Variants in TRADD observed in about 807,000 individuals in gnomAD.
TRADD encodes the protein tumor necrosis factor receptor type 1-associated DEATH domain protein.
Under a neutral mutation model 31.5 loss-of-function variants are expected in TRADD, and 14 were observed. That is an observed-to-expected ratio of 0.44 (90% confidence interval 0.29 to 0.69). The LOEUF (loss-of-function observed/expected upper bound fraction) is 0.69. Ranked by LOEUF, TRADD falls within the 30% of genes least tolerant of loss-of-function variation. The probability of loss-of-function intolerance (pLI) is 0.11; values close to 1 mark genes in which losing one functional copy is unlikely to be tolerated. For synonymous variants in TRADD, 220 were observed against 215.8 expected (o/e 1.02, Z -0.17); for missense variants, 388 against 435.7 (o/e 0.89, Z 0.97).
chr16:67,158,711 C>T (rs894375803), intron 1 of TRADD, among the ~76,000 whole-genome samples: 1 of 151,968 alleles, frequency 6.6e-6, no homozygotes, highest in Non-Finnish European at 1.5e-5. Flanking sequence ...AAAAGCAAAA[C>T]AAGAAAAAAC....
Position 67,155,407 on chromosome 16 carries a change from C to T in TRADD, c.399G>A (p.Glu133=). Residue 133 remains glutamate (E), a synonymous_variant, in exon 3 of 5, where the codon GAG becomes GAA. Transcript: ENST00000345057. ...GGGCTAGGATGCAACTCAAACAGCG[C>T]TCCTCGTCCGCCAGCAAAGCGTCCA... ...ERLDALLADE[E]RCLSCILAQQ... is the part of the protein sequence containing the mutation. 6.3e-7 allele frequency: 1 copy of T among 1,598,450 alleles called. No individual in the cohort carries two copies. Among genetic ancestry groups the T allele is most frequent in the Middle Eastern group, 1.7e-4 (1 of 6,060 alleles).
rs746809465 is a variant in TRADD at position 67,154,667 on chromosome 16, G to A, written c.921C>T (p.Pro307=). The change falls in exon 5 of 5, where the codon CCC becomes CCT. Residue 307 remains proline (P), a synonymous_variant. Transcript: ENST00000345057. The surrounding 1 kb of genome is among the most constrained non-coding windows in gnomAD (Gnocchi z 5.2). ...CCCTGGTCTAGGCCAGGCCGCCATT[G>A]GGATCGGTCAGGCCCAGCAAGTCCT... ...LAEDLLGLTD[P]NGGLA is the part of the protein sequence containing the mutation. 3.7e-6 allele frequency: 6 copies of A among 1,612,758 alleles called. No individual in the cohort carries two copies. The highest frequency in any genetic ancestry group is 5.1e-6 in the Non-Finnish European group (6 of 1,179,908).
intron 2 of TRADD, chr16:67,155,957 T>C: frequency 2.7e-6 from 4 of 1,459,128 alleles, no homozygotes; most frequent in Non-Finnish European, 3.6e-6. Flanking sequence ...AAAGGGGGCG[T>C]GTGCCCTGGG....
At position 67,154,998 on chromosome 16, in the gene TRADD, C is replaced by T. The variant is rs1252655603; in HGVS notation, c.629-39G>A. 3.1e-6 allele frequency: 5 copies of T among 1,587,758 alleles called. No homozygotes were observed. The South Asian group carries it at 5.7e-5, about 18-fold the overall frequency. ...GGGGAAACGGGGTGAGGGCGGGGACCCCCAGCGCCGGTCCCACCCATCCCC... is the reference window on the plus strand; with the variant it reads ...GGGGAAACGGGGTGAGGGCGGGGACTCCCAGCGCCGGTCCCACCCATCCCC... On this transcript the variant is annotated intron_variant, in intron 4 of 4. Transcript: ENST00000345057. This position sits in a 1 kb window ranked among gnomAD's most constrained non-coding sequence, Gnocchi z 5.2.
intron 4 of TRADD, 48 bp from the exon 5 acceptor site, chr16:67,155,007 C>T: frequency 6.3e-7 from 1 of 1,576,562 alleles, no homozygotes; most frequent in Non-Finnish European, 8.6e-7. Context: ...CCCCCAGCGC[C>T]GGTCCCACCC....
Position 67,156,393 on chromosome 16 carries a change from T to C in TRADD, c.151+117A>G. 1.4e-6 allele frequency: 2 copies of C among 1,478,002 alleles called. No individual in the cohort carries two copies. The highest frequency in any genetic ancestry group is 1.8e-6 in the Non-Finnish European group (2 of 1,081,746). The allele number at this position is 1,478,002 out of a possible 1,614,324, so 91.6% of individuals were successfully genotyped here. ...AGAAGAGAGTCTGCACAGCCAGGGGTCCTCCGTCTTGCTCCTCCCACCCCA... is the reference window on the plus strand; with the variant it reads ...AGAAGAGAGTCTGCACAGCCAGGGGCCCTCCGTCTTGCTCCTCCCACCCCA... On this transcript the variant is annotated intron_variant, in intron 2 of 4. Transcript: ENST00000345057. The surrounding 1 kb of genome is among the most constrained non-coding windows in gnomAD (Gnocchi z 4.6).
rs1283215673 is a variant in TRADD at position 67,155,456 on chromosome 16, T to G, written c.350A>C (p.Glu117Ala). ...CAGCCGCTCGGCGCCGGCGCGCAGC[T>G]CCAGTTGCAGCGGCACCGAGTGCTG... ...LAQHSVPLQL[E>A]LRAGAERLDA... Residue 117 changes from glutamate (E) to alanine (A), a missense_variant, in exon 3 of 5, where the codon GAG (glutamate) becomes GCG (alanine). Transcript: ENST00000345057. 1 of 1,592,724 alleles carries G rather than the reference T, an allele frequency of 6.3e-7. No individual in the cohort carries two copies. Among genetic ancestry groups the G allele is most frequent in the Admixed American group, 1.7e-5 (1 of 59,482 alleles).
rs1415309663 is a variant in TRADD, at chr16:67,155,139, C to T, written c.585G>A (p.Pro195=). Residue 195 remains proline (P), a synonymous_variant, in exon 4 of 5, where the codon CCG becomes CCA. Coordinates refer to ENST00000345057, the MANE Select transcript of TRADD (RefSeq NM_003789.4). ...PSLSEVKPPP[P]PPPAQTFLFQ... ...ACAGAAAAGTCTGGGCAGGTGGCGG[C>T]GGCGGCGGCGGCTTCACCTCCGACA... The T allele has an allele frequency of 9.1e-6, 14 of 1,545,956 alleles. No individual in the cohort carries two copies. The highest frequency in any genetic ancestry group is 1.9e-5 in the Admixed American group (1 of 51,658).
In TRADD at chr16:67,156,513, C is replaced by A. The variant is rs752751020; in HGVS notation, c.148G>T (p.Ala50Ser). The change falls in exon 2 of 5, where the codon GCA (alanine) becomes TCA (serine). Residue 50 changes from alanine to serine, a missense_variant. Coordinates refer to ENST00000345057, the MANE Select transcript of TRADD (RefSeq NM_003789.4). This position sits in a 1 kb window ranked among gnomAD's most constrained non-coding sequence, Gnocchi z 4.6. ...AVYRALQAAL[A>S]ESGGSPDVLQ... The stretch of plus-strand genomic sequence containing the variant: ...ACATGCCCGCCCATCCACGCACCTG[C>A]CAAGGCAGCCTGCAGAGCCCTGTAC... The A allele has an allele frequency of 6.2e-7, 1 of 1,612,394 alleles. No homozygotes were observed. The highest frequency in any genetic ancestry group is 1.3e-5 in the African/African-American group (1 of 75,058).
Position 67,159,237 on chromosome 16 carries a change from T to G in TRADD, c.-9+601A>C, listed in dbSNP as rs2030811639. Among the ~76,000 whole-genome samples the G allele has an allele frequency of 6.6e-6, 1 of 152,152 alleles. No individual in the cohort carries two copies. The highest frequency in any genetic ancestry group is 6.5e-5 in the Admixed American group (1 of 15,280). On this transcript the variant is annotated intron_variant, in intron 1 of 4. Transcript: ENST00000345057. The surrounding 1 kb of genome is among the most constrained non-coding windows in gnomAD (Gnocchi z 6.8). ...GCTTCCAGGCTGGGTCCTGAGAAAGTTTGGTGGCCGGAGACTGTGGGGCGC... is the reference window on the plus strand; with the variant it reads ...GCTTCCAGGCTGGGTCCTGAGAAAGGTTGGTGGCCGGAGACTGTGGGGCGC...
rs2030831788 is a variant in TRADD, at chr16:67,159,672, A to G, written c.-9+166T>C. Among the ~76,000 whole-genome samples, 1 of 152,090 alleles carries G rather than the reference A, an allele frequency of 6.6e-6. No homozygotes were observed. The highest frequency in any genetic ancestry group is 1.5e-5 in the Non-Finnish European group (1 of 67,996). ...GGAGCCTGCGGGGGCCAAATTCCGT[A>G]CCGTCCCCCGCCTCCCACGGTGTTC... On this transcript the variant is annotated intron_variant, in intron 1 of 4. Transcript: ENST00000345057. The surrounding 1 kb of genome is among the most constrained non-coding windows in gnomAD (Gnocchi z 6.8).
At position 67,156,935 on chromosome 16, in the gene TRADD, C is replaced by T. The variant is rs2030721767; in HGVS notation, c.-8-267G>A. ...CTCCACTGCCTTCTTGGAGAAAGAG[C>T]CCAAGGTCACAGTGGAGGGGGAGCA... is the stretch of plus-strand genomic sequence containing the variant. On this transcript the variant is annotated intron_variant, in intron 1 of 4. Transcript: ENST00000345057. This position sits in a 1 kb window ranked among gnomAD's most constrained non-coding sequence, Gnocchi z 4.6. 6.6e-6 allele frequency among the ~76,000 whole-genome samples: 1 copy of T among 152,184 alleles called. No homozygotes were observed. The highest frequency in any genetic ancestry group is 1.5e-5 in the Non-Finnish European group (1 of 68,036).
chr16:67,159,112 C>A lies in TRADD; in HGVS notation c.-9+726G>T, dbSNP rs2030806854. Among the ~76,000 whole-genome samples the A allele has an allele frequency of 6.6e-6, 1 of 152,244 alleles. No individual in the cohort carries two copies. Among genetic ancestry groups the A allele is most frequent in the Non-Finnish European group, 1.5e-5 (1 of 68,046 alleles). ...GCCAGGGCCCTAGTTTCGCATCCGCCGACTGGCAGCTCTTCTTACGTGTTC... is the reference window on the plus strand; with the variant it reads ...GCCAGGGCCCTAGTTTCGCATCCGCAGACTGGCAGCTCTTCTTACGTGTTC... On this transcript the variant is annotated intron_variant, in intron 1 of 4. Coordinates refer to ENST00000345057, the MANE Select transcript of TRADD (RefSeq NM_003789.4). The surrounding 1 kb of genome is among the most constrained non-coding windows in gnomAD (Gnocchi z 6.8).
chr16:67,155,229 G>GC lies in TRADD; in HGVS notation c.494dup (p.Ser166LeufsTer194). 2 of 1,603,802 alleles carry GC rather than the reference G, an allele frequency of 1.2e-6. No individual in the cohort carries two copies. The highest frequency in any genetic ancestry group is 1.7e-6 in the Non-Finnish European group (2 of 1,176,344). On this transcript the variant is annotated frameshift_variant, in exon 4 of 5. Transcript: ENST00000345057. LOFTEE classifies it high-confidence loss of function. ...CCCCGTCGCCACCCCGGGCCCCCGAGCCGCACTTCAGATTTCGCAGCGCAT... is the reference window on the plus strand; with the variant it reads ...CCCCGTCGCCACCCCGGGCCCCCGAGCCCGCACTTCAGATTTCGCAGCGCAT...
In TRADD at chr16:67,154,992, G is replaced by A. The variant is rs745360938; in HGVS notation, c.629-33C>T. The A allele has an allele frequency of 1.9e-6, 3 of 1,595,488 alleles. No individual in the cohort carries two copies. Among genetic ancestry groups the A allele is most frequent in the Admixed American group, 3.4e-5 (2 of 58,008 alleles). ...GGGAGTGGGGAAACGGGGTGAGGGC[G>A]GGGACCCCCAGCGCCGGTCCCACCC... On this transcript the variant is annotated intron_variant, in intron 4 of 4. Coordinates refer to ENST00000345057, the MANE Select transcript of TRADD (RefSeq NM_003789.4). The surrounding 1 kb of genome is among the most constrained non-coding windows in gnomAD (Gnocchi z 5.2).
In TRADD at chr16:67,155,226, C is replaced by A; in HGVS notation, c.498G>T (p.Ser166=). Residue 166 remains serine, a synonymous_variant, in exon 4 of 5, where the codon TCG becomes TCT. Transcript: ENST00000345057. The stretch of plus-strand genomic sequence containing the variant: ...CCTCCCCGTCGCCACCCCGGGCCCC[C>A]GAGCCGCACTTCAGATTTCGCAGCG... The part of the protein sequence containing the change: ...EDALRNLKCG[S]GARGGDGEVA... 6.2e-7 allele frequency: 1 copy of A among 1,600,470 alleles called. No homozygotes were observed. Among genetic ancestry groups the A allele is most frequent in the East Asian group, 2.3e-5 (1 of 43,884 alleles).
Position 67,156,283 on chromosome 16 carries a change from G to C in TRADD, c.151+227C>G. 1 of 1,181,126 alleles carries C rather than the reference G, an allele frequency of 8.5e-7. No individual in the cohort carries two copies. The highest frequency in any genetic ancestry group is 1.2e-6 in the Non-Finnish European group (1 of 845,096). The allele number at this position is 1,181,126 out of a possible 1,614,324, so 73.2% of individuals were successfully genotyped here. Reference sequence around the variant, plus strand: ...CGGCTGGTGGAGGGGGGCGGGGATGGAGCAAAGGACGTTAGTGCACAAATT... The same window carrying C: ...CGGCTGGTGGAGGGGGGCGGGGATGCAGCAAAGGACGTTAGTGCACAAATT... On this transcript the variant is annotated intron_variant, in intron 2 of 4. Transcript: ENST00000345057. The surrounding 1 kb of genome is among the most constrained non-coding windows in gnomAD (Gnocchi z 4.6).
At position 67,155,234 on chromosome 16, in the gene TRADD, A is replaced by G; in HGVS notation, c.490T>C (p.Cys164Arg). The G allele has an allele frequency of 3.1e-6, 5 of 1,605,968 alleles. No individual in the cohort carries two copies. Among genetic ancestry groups the G allele is most frequent in the Non-Finnish European group, 3.4e-6 (4 of 1,177,300 alleles). Residue 164 changes from cysteine (C) to arginine (R), a missense_variant, in exon 4 of 5, where the codon TGC becomes CGC. Transcript: ENST00000345057. ...TCGCCACCCCGGGCCCCCGAGCCGCACTTCAGATTTCGCAGCGCATCCTCC... is the reference window on the plus strand; with the variant it reads ...TCGCCACCCCGGGCCCCCGAGCCGCGCTTCAGATTTCGCAGCGCATCCTCC... ...ELEDALRNLK[C>R]GSGARGGDGE...
chr16:67,155,827 C>G, intron 2 of TRADD, 173 bp from the exon 3 acceptor site: 1 of 1,474,902 alleles, frequency 6.8e-7, no homozygotes, highest in Non-Finnish European at 9.0e-7. Flanking sequence ...ACAGCAATAA[C>G]CCAGAAAGAA....
Sources: allele counts gnomAD v4.1 joint callset (sites outside exome capture counted in the v4.1 genomes callset), GRCh38; gene constraint gnomAD v4.1.1; non-coding constraint Gnocchi (gnomAD v3.1); transcripts MANE v1.5; gene names NCBI Gene and HGNC (gene_info 2026-07-23, HGNC 2026-07-21).